HEATR5A: variants seen among roughly 807,000 people sequenced by gnomAD.
HEATR5A encodes the protein HEAT repeat-containing protein 5A.
A neutral mutation model predicts 218.8 loss-of-function variants in HEATR5A; 178 were observed. The observed-to-expected ratio is 0.81, with a 90% CI of 0.72 to 0.92. The LOEUF (loss-of-function observed/expected upper bound fraction) is 0.92, where lower values mean the gene tolerates loss of function less well. Among genes scored for constraint, HEATR5A ranks in the 40% least tolerant of loss-of-function variants. The probability of loss-of-function intolerance (pLI) is 0.00; values close to 1 mark genes in which losing one functional copy is unlikely to be tolerated. For missense variants in HEATR5A, 2,420 were observed against 2,418.9 expected, an observed-to-expected ratio of 1.00 and a Z score of -0.01; for synonymous variants, 864 against 871.6, an observed-to-expected ratio of 0.99 and a Z score of 0.15.
At chr14:31,407,602 A>ATATATT (rs2031123329) in intron 1 of HEATR5A, among the ~76,000 whole-genome samples, 1 of 964 alleles carries the variant, frequency 1.0e-3, no homozygotes, top group African/African-American at 1.9e-3. Context: ...ATATATATAT[A>ATATATT]TATATATATA....
intron 16 of HEATR5A, 75 bp from the exon 17 acceptor site, chr14:31,350,792 GTT>G: frequency 1.2e-6 from 1 of 847,206 alleles, no homozygotes; most frequent in Non-Finnish European, 1.9e-6. Flanking sequence ...TTGTTTGTTT[GTT>G]TGAGACGGAG....
At chr14:31,364,019 A>G (rs1251882244) in intron 14 of HEATR5A, among the ~76,000 whole-genome samples, 170 bp downstream of exon 14, 1 of 152,158 alleles carries the variant, frequency 6.6e-6, no homozygotes, top group African/African-American at 2.4e-5. Context: ...TTTTTTTACT[A>G]TAAGATGGTG....
chr14:31,398,742 C>T lies in HEATR5A; in HGVS notation c.378G>A (p.Leu126=). The T allele has an allele frequency of 6.5e-7, 1 of 1,533,500 alleles. No individual in the cohort carries two copies. Among genetic ancestry groups the T allele is most frequent in the Non-Finnish European group, 8.7e-7 (1 of 1,144,338 alleles). 95.0% of individuals were successfully genotyped at this position (1,533,500 alleles called of 1,614,324 possible). A position where few individuals can be genotyped will look rare whatever the true frequency, so the allele number is the denominator to read the frequency against. ...TAAAGGTGTTACCCAGTATTCTACC[C>T]AACTTCTTGTACAAGGAACCCAAAC... ...VVCLGSLYKK[L]GRILGNTFTD... The change falls in exon 4 of 36, where the codon TTG becomes TTA. Residue 126 remains leucine, a synonymous_variant. Transcript: ENST00000543095.
intron 31 of HEATR5A, 117 bp from the exon 32 acceptor site, chr14:31,305,294 G>A (rs1020465805): frequency 2.6e-5 from 27 of 1,034,992 alleles, no homozygotes; most frequent in East Asian, 7.8e-5. Context: ...ACAGAGTCTC[G>A]CTCTGTCACA....
In HEATR5A at chr14:31,364,135, TC is replaced by T. The variant is rs1316690876; in HGVS notation, c.2071+53del. 3 of 708,996 alleles carry T rather than the reference TC, an allele frequency of 4.2e-6. No homozygotes were observed. In the African/African-American group the frequency reaches 5.4e-5, roughly 13 times the overall value. The allele number at this position is 708,996 out of a possible 1,614,324, so 43.9% of individuals were successfully genotyped here. Reference sequence around the variant, plus strand: ...TTTAATGAGTGACAATAACTATTGTTCCAGAAACCATACTAGCCACAAACAA... The same window carrying T: ...TTTAATGAGTGACAATAACTATTGTTCAGAAACCATACTAGCCACAAACAA... On this transcript the variant is annotated intron_variant, in intron 14 of 35. Coordinates refer to ENST00000543095, the MANE Select transcript of HEATR5A (RefSeq NM_015473.4).
intron 33 of HEATR5A, chr14:31,297,629 A>C: frequency 6.6e-6 from 1 of 152,164 alleles, no homozygotes. Flanking sequence ...TTTATGGATG[A>C]ATAGGATTTA....
chr14:31,344,362 C>G (rs538086464), intron 20 of HEATR5A, among the ~76,000 whole-genome samples: 1 of 148,164 alleles, frequency 6.7e-6, no homozygotes, highest in South Asian at 2.1e-4. Flanking sequence ...ACAGCAACCC[C>G]CGGCTTCCGG....
At chr14:31,304,062 T>G (rs1899475709) in intron 32 of HEATR5A, among the ~76,000 whole-genome samples, 1 of 151,566 alleles carries the variant, frequency 6.6e-6, no homozygotes, top group African/African-American at 2.4e-5. Flanking sequence ...AAAAAAAAAT[T>G]AGCCAGGTAT....
intron 1 of HEATR5A, among the ~76,000 whole-genome samples, chr14:31,406,202 TTATTTTTC>T (rs1189049991): frequency 6.6e-6 from 1 of 152,224 alleles, no homozygotes; most frequent in African/African-American, 2.4e-5. Flanking sequence ...TGAGAAATGC[TTATTTTTC>T]TAATTTTTCT....
intron 33 of HEATR5A, chr14:31,297,196 G>C (rs1429136554): frequency 6.6e-6 from 1 of 152,468 alleles, no homozygotes; most frequent in Non-Finnish European, 1.5e-5. Flanking sequence ...TGAGGCAGGA[G>C]AATCACTTGA....
chr14:31,394,542 ACG>A (rs2030574856), intron 5 of HEATR5A, among the ~76,000 whole-genome samples: 1 of 152,108 alleles, frequency 6.6e-6, no homozygotes, highest in Non-Finnish European at 1.5e-5. Flanking sequence ...CTGGCTGGGC[ACG>A]GAGGCTCACA....
intron 13 of HEATR5A, among the ~76,000 whole-genome samples, chr14:31,369,645 T>C (rs1179090060): frequency 1.5e-5 from 1 of 65,064 alleles, no homozygotes; most frequent in Non-Finnish European, 3.5e-5. Flanking sequence ...AACCCAAAAA[T>C]GGCCTGACGC....
At chr14:31,356,388 C>T (rs1435298644) in intron 16 of HEATR5A, among the ~76,000 whole-genome samples, 1 of 152,140 alleles carries the variant, frequency 6.6e-6, no homozygotes, top group Non-Finnish European at 1.5e-5. Flanking sequence ...AGTTGCACAC[C>T]ACCATGCACA....
At position 31,371,874 on chromosome 14, in the gene HEATR5A, G is replaced by C. The variant is rs1445090150; in HGVS notation, c.1897C>G (p.Leu633Val). The change falls in exon 13 of 36, where the codon CTT becomes GTT. Residue 633 changes from leucine to valine, a missense_variant. Physicochemically the swap from Leu to Val is conservative, Grantham distance 32 (BLOSUM62 1). Coordinates refer to ENST00000543095, the MANE Select transcript of HEATR5A (RefSeq NM_015473.4). Reference sequence around the variant, plus strand: ...AGACGCTGAGTTACTTCCTCAGTAAGAAGATCACCACAGTGGGAAACAAAG... The same window carrying C: ...AGACGCTGAGTTACTTCCTCAGTAACAAGATCACCACAGTGGGAAACAAAG... ...KSFVSHCGDLLTEEVTQRLLP... is the reference protein window; with the variant it reads ...KSFVSHCGDLVTEEVTQRLLP... The C allele has an allele frequency of 2.7e-5, 42 of 1,551,386 alleles. No homozygotes were observed. The highest frequency in any genetic ancestry group is 3.7e-5 in the Non-Finnish European group (42 of 1,146,332).
chr14:31,295,825 G>T, intron 34 of HEATR5A, 84 bp downstream of exon 34: 2 of 1,077,552 alleles, frequency 1.9e-6, no homozygotes, highest in Non-Finnish European at 2.7e-6. Context: ...ACTTCCTATT[G>T]GAGCCAACAA....
At chr14:31,329,417 C>T (rs115815075) in intron 22 of HEATR5A, among the ~76,000 whole-genome samples, 66 of 152,310 alleles carry the variant, frequency 4.3e-4, no homozygotes, top group African/African-American at 1.5e-3. Context: ...GGTAAATACT[C>T]TTGTCCCAAA....
chr14:31,395,115 T>C (rs2030605860), intron 5 of HEATR5A, 84 bp downstream of exon 5: 4 of 870,354 alleles, frequency 4.6e-6, no homozygotes, highest in South Asian at 5.2e-5. Context: ...CAAGATCATG[T>C]AGCTTTTACT....
At chr14:31,295,262 T>C (rs976121391) in intron 34 of HEATR5A, among the ~76,000 whole-genome samples, 3 of 152,164 alleles carry the variant, frequency 2.0e-5, no homozygotes, top group African/African-American at 7.2e-5. Flanking sequence ...AGTCTTTTTT[T>C]TGAGACAGCG....
At chr14:31,321,450 T>G in intron 25 of HEATR5A, 49 bp downstream of exon 25, 1 of 1,450,036 alleles carries the variant, frequency 6.9e-7, no homozygotes, top group Non-Finnish European at 9.3e-7. Context: ...CCTCATAGAC[T>G]TTTTATCTGT....
Sources: allele counts gnomAD v4.1 joint callset (sites outside exome capture counted in the v4.1 genomes callset), GRCh38; gene constraint gnomAD v4.1.1; transcripts MANE v1.5; gene names NCBI Gene and HGNC (gene_info 2026-07-23, HGNC 2026-07-21).